C12orf56: variants seen among roughly 807,000 people sequenced by gnomAD.
C12orf56 encodes the protein chromosome 12 open reading frame 56.
A neutral mutation model predicts 69.9 loss-of-function variants in C12orf56; 71 were observed. The ratio of observed to expected loss-of-function variants is 1.02; its 90% CI spans 0.84 to 1.24. The LOEUF is 1.24. Among genes scored for constraint, C12orf56 ranks in the 50% most tolerant of loss-of-function variants. The probability of loss-of-function intolerance (pLI) is 0.00; values close to 1 mark genes in which losing one functional copy is unlikely to be tolerated. For synonymous variants in C12orf56, 276 were observed against 274.1 expected, an observed-to-expected ratio of 1.01 and a Z score of -0.07; for missense variants, 732 against 738.5, an observed-to-expected ratio of 0.99 and a Z score of 0.10.
At chr12:64,372,990 G>A (rs752272103) in intron 1 of C12orf56, among the ~76,000 whole-genome samples, 153 of 152,120 alleles carry the variant, frequency 1.0e-3, no homozygotes, top group Non-Finnish European at 1.7e-3. Flanking sequence ...TCATGCCCTC[G>A]ACAGAATATA....
chr12:64,333,538 G>A (rs570243602), intron 2 of C12orf56, among the ~76,000 whole-genome samples: 15 of 151,744 alleles, frequency 9.9e-5, no homozygotes, highest in Admixed American at 2.6e-4. Flanking sequence ...GTCTCACTCT[G>A]TCGCCCAGGC....
intron 2 of C12orf56, among the ~76,000 whole-genome samples, chr12:64,331,867 G>A (rs2038934460): frequency 6.6e-6 from 1 of 151,262 alleles, no homozygotes; most frequent in African/African-American, 2.4e-5. Flanking sequence ...GTGGTCCGCT[G>A]TTATTCTGTC....
intron 9 of C12orf56, among the ~76,000 whole-genome samples, chr12:64,277,169 G>C (rs1201307099): frequency 6.6e-6 from 1 of 152,040 alleles, no homozygotes; most frequent in Non-Finnish European, 1.5e-5. Context: ...CAGAAGGTAT[G>C]CCTTCTAGGC....
At position 64,380,123 on chromosome 12, in the gene C12orf56, A is replaced by AAC. The variant is rs1565783084; in HGVS notation, c.252+10190_252+10191insGT. 3.1e-4 allele frequency among the ~76,000 whole-genome samples: 29 copies of AAC among 92,548 alleles called. 1 individual carries two copies. Among genetic ancestry groups the AAC allele is most frequent in the African/African-American group, 9.5e-4 (26 of 27,492 alleles). 60.7% of individuals were successfully genotyped at this position (92,548 alleles called of 152,430 possible). A position where few individuals can be genotyped will look rare whatever the true frequency, so the allele number is the denominator to read the frequency against. On this transcript the variant is annotated intron_variant, in intron 1 of 12. Transcript: ENST00000543942. ...CCGTCGCAAAAAAAAAAAAAAAAAAAAAAAAAAAAAACAAAACAAACAAAA... is the reference window on the plus strand; with the variant it reads ...CCGTCGCAAAAAAAAAAAAAAAAAAAACAAAAAAAAAAACAAAACAAACAAAA...
chr12:64,329,141 C>T (rs1014587213), intron 3 of C12orf56, among the ~76,000 whole-genome samples: 11 of 151,990 alleles, frequency 7.2e-5, no homozygotes, highest in African/African-American at 1.2e-4. Context: ...ACTGAAATTT[C>T]AACTGTCAGA....
At chr12:64,343,162 G>C (rs1161505518) in intron 2 of C12orf56, among the ~76,000 whole-genome samples, 1 of 152,146 alleles carries the variant, frequency 6.6e-6, no homozygotes, top group East Asian at 1.9e-4. Flanking sequence ...CTTCACCTTA[G>C]AAGGAATATC....
At chr12:64,272,504 C>CCAAT (rs1470814307) in intron 11 of C12orf56, among the ~76,000 whole-genome samples, 3 of 150,908 alleles carry the variant, frequency 2.0e-5, no homozygotes, top group South Asian at 2.1e-4. Context: ...GACTCTGTCT[C>CCAAT]AAATAAATAA....
chr12:64,268,011 A>T (rs951696392), intron 12 of C12orf56, among the ~76,000 whole-genome samples: 2 of 152,148 alleles, frequency 1.3e-5, no homozygotes, highest in Non-Finnish European at 2.9e-5. Context: ...AACATGTAAA[A>T]TCTGAAATGC....
intron 1 of C12orf56, among the ~76,000 whole-genome samples, chr12:64,375,017 C>CT (rs1565781006): frequency 6.6e-6 from 1 of 151,330 alleles, no homozygotes. Flanking sequence ...ATGTTTCTTG[C>CT]TTTTTTTGCT....
intron 12 of C12orf56, among the ~76,000 whole-genome samples, chr12:64,270,137 C>T (rs1236738863): frequency 6.6e-6 from 1 of 152,062 alleles, no homozygotes; most frequent in Admixed American, 6.6e-5. Flanking sequence ...GTGGCTCACA[C>T]CTGTAATCCC....
At chr12:64,372,721 C>T (rs1045674037) in intron 1 of C12orf56, among the ~76,000 whole-genome samples, 2 of 152,112 alleles carry the variant, frequency 1.3e-5, no homozygotes, top group Non-Finnish European at 2.9e-5. Context: ...ACCATGTTGG[C>T]CAGGCTGGGT....
intron 1 of C12orf56, among the ~76,000 whole-genome samples, chr12:64,386,398 A>ATTTTTTT (rs768370363): frequency 2.3e-5 from 2 of 87,344 alleles, no homozygotes; most frequent in African/African-American, 1.0e-4. Flanking sequence ...ATATATATAT[A>ATTTTTTT]TTTTTTTTTT....
chr12:64,316,086 T>G (rs2038688139), intron 4 of C12orf56, among the ~76,000 whole-genome samples: 1 of 151,922 alleles, frequency 6.6e-6, no homozygotes, highest in East Asian at 1.9e-4. Flanking sequence ...TTTTAAAACT[T>G]ATTTATTTTT....
Position 64,331,048 on chromosome 12 carries a change from G to C in C12orf56, c.416-16C>G. 1.4e-6 allele frequency: 2 copies of C among 1,438,464 alleles called. No homozygotes were observed. The highest frequency in any genetic ancestry group is 1.9e-6 in the Non-Finnish European group (2 of 1,053,782). 89.1% of individuals were successfully genotyped at this position (1,438,464 alleles called of 1,614,324 possible). A position where few individuals can be genotyped will look rare whatever the true frequency, so the allele number is the denominator to read the frequency against. ...TCTTCCTTGACTTAAAAAAAAAATA[G>C]TTATTTGGTCATTAATTAAATAATT... On this transcript the variant is annotated splice_polypyrimidine_tract_variant and intron_variant, in intron 2 of 12. Transcript: ENST00000543942.
At chr12:64,287,041 A>G (rs548858291) in intron 6 of C12orf56, among the ~76,000 whole-genome samples, 2 of 152,250 alleles carry the variant, frequency 1.3e-5, no homozygotes, top group South Asian at 4.1e-4. Flanking sequence ...GTTCGAAATC[A>G]GCCTGGCCAA....
At position 64,264,818 on chromosome 12, in the gene C12orf56, A is replaced by G. The variant is rs560751338; in HGVS notation, c.*2365T>C. 2.6e-5 allele frequency: 4 copies of G among 152,248 alleles called. No individual in the cohort carries two copies. The highest frequency in any genetic ancestry group is 6.5e-5 in the Admixed American group (1 of 15,290). 9.4% of individuals were successfully genotyped at this position (152,248 alleles called of 1,614,324 possible). A position where few individuals can be genotyped will look rare whatever the true frequency, so the allele number is the denominator to read the frequency against. On this transcript the variant is annotated 3_prime_UTR_variant, in exon 13 of 13. Coordinates refer to ENST00000543942, the MANE Select transcript of C12orf56 (RefSeq NM_001170633.2). ...TTCTGATCCCAGACTGTGCAAATGAATAGACATGAGTTATACAGAGTAGAC... is the reference window on the plus strand; with the variant it reads ...TTCTGATCCCAGACTGTGCAAATGAGTAGACATGAGTTATACAGAGTAGAC...
chr12:64,328,706 AAT>A (rs138783628), intron 3 of C12orf56, among the ~76,000 whole-genome samples: 39 of 15,108 alleles, frequency 2.6e-3, no homozygotes, highest in African/African-American at 7.3e-3. Context: ...AAAAAAAAAA[AAT>A]ATATATATAT....
chr12:64,320,803 G>A (rs1476566612), intron 3 of C12orf56, among the ~76,000 whole-genome samples: 1 of 152,188 alleles, frequency 6.6e-6, no homozygotes, highest in Non-Finnish European at 1.5e-5. Context: ...AGTCCCTTGT[G>A]CTTAGTACCA....
chr12:64,366,106 A>ATATAATATATAGCTTG (rs1288097182), intron 1 of C12orf56, among the ~76,000 whole-genome samples: 1 of 66,034 alleles, frequency 1.5e-5, no homozygotes, highest in Non-Finnish European at 3.6e-5. Context: ...TATATATTAT[A>ATATAATATATAGCTTG]TATAATATAT....
Sources: gnomAD v4.1 joint callset for allele counts (sites outside exome capture counted in the v4.1 genomes callset) on GRCh38, gnomAD v4.1.1 for gene constraint, MANE v1.5 for transcripts, NCBI Gene and HGNC (gene_info 2026-07-23, HGNC 2026-07-21) for gene names.